Variants in ADGRG2 observed in about 807,000 individuals in gnomAD.
The protein encoded by ADGRG2 is G protein-coupled receptor 64.
Under a neutral mutation model 74.1 loss-of-function variants are expected in ADGRG2, and 26 were observed. That is an observed-to-expected ratio of 0.35 (90% confidence interval 0.26 to 0.49). The LOEUF (loss-of-function observed/expected upper bound fraction) is 0.49, where lower values mean the gene tolerates loss of function less well. Among genes scored for constraint, ADGRG2 ranks in the 20% least tolerant of loss-of-function variants. The pLI, the probability that ADGRG2 is intolerant of heterozygous loss-of-function variation, is 0.99. For synonymous variants in ADGRG2, 296 were observed against 295.2 expected (o/e 1.00, Z -0.03); for missense variants, 619 against 763.1 (o/e 0.81, Z 2.22).
At chrX:19,002,823 C>T (rs746857772) in intron 24 of ADGRG2, 23 bp downstream of exon 24, 3 of 1,191,499 alleles carry the variant, frequency 2.5e-6, no homozygotes, top group South Asian at 1.8e-5. Context: ...GTCCAGGCAA[C>T]ATGCAGGCAA....
Position 19,006,061 on chromosome X carries a change from T to C in ADGRG2, c.1780A>G (p.Arg594Gly). 1 of 1,209,398 alleles carries C rather than the reference T, an allele frequency of 8.3e-7. No homozygotes were observed. The highest frequency in any genetic ancestry group is 1.8e-5 in the South Asian group (1 of 56,923). ...GTACAGATGGTTTCATTCAATCTCC[T>C]GTCTTTGACAGAGCAGCCATTGTCT... ...WSDNGCSVKD[R>G]RLNETICTCS... The change falls in exon 22 of 29, where the codon AGG becomes GGG. Residue 594 changes from arginine (R) to glycine (G), a missense_variant. By Grantham distance (125) the Arg-to-Gly change is moderately radical. This residue lies in a region of ADGRG2 where 221 missense variants were observed against 340.6 expected (regional missense o/e 0.65). Transcript: ENST00000379869.
chrX:19,059,690 TTTA>T (rs1470641960), intron 3 of ADGRG2, among the ~76,000 whole-genome samples: 1 of 102,965 alleles, frequency 9.7e-6, no homozygotes, highest in East Asian at 3.3e-4. Context: ...AGAATCTGTC[TTTA>T]GTACCAGTAC....
At chrX:19,109,414 T>C (rs1339013766) in intron 1 of ADGRG2, among the ~76,000 whole-genome samples, 1 of 111,647 alleles carries the variant, frequency 9.0e-6, no homozygotes, top group African/African-American at 3.3e-5. Flanking sequence ...TACAAGAGCT[T>C]TCCCAAAAAT....
chrX:19,095,480 A>T (rs1041231857), intron 1 of ADGRG2, among the ~76,000 whole-genome samples: 3 of 111,439 alleles, frequency 2.7e-5, no homozygotes, highest in African/African-American at 9.8e-5. Flanking sequence ...TTATAGCACA[A>T]AGGCCACTCT....
chrX:19,120,614 C>A (rs1439700553), intron 1 of ADGRG2, among the ~76,000 whole-genome samples: 2 of 111,399 alleles, frequency 1.8e-5, no homozygotes, highest in African/African-American at 6.5e-5. Flanking sequence ...AAACCCTGAT[C>A]AAAAAATGGG....
rs140531085 is a variant in ADGRG2, at chrX:19,063,997, C to T, written c.118+4720G>A. Among the ~76,000 whole-genome samples, 1,048 of 111,731 alleles carry T rather than the reference C, an allele frequency of 9.4e-3. 16 individuals carry two copies. The highest frequency in any genetic ancestry group is 0.033 in the African/African-American group (1,001 of 30,696). On this transcript the variant is annotated intron_variant, in intron 3 of 28. Transcript: ENST00000379869. ...GGGAACTCTGGGAGATAACATAGAACACATCTGAGTGTGGTCCCACCAAGG... is the reference window on the plus strand; with the variant it reads ...GGGAACTCTGGGAGATAACATAGAATACATCTGAGTGTGGTCCCACCAAGG...
At chrX:19,120,311 CTAAA>C (rs771059529) in intron 1 of ADGRG2, among the ~76,000 whole-genome samples, 5 of 112,068 alleles carry the variant, frequency 4.5e-5, no homozygotes, top group South Asian at 3.7e-4. Context: ...TTATGAGATG[CTAAA>C]TAGAGACTCC....
chrX:19,102,004 C>T (rs1299920995), intron 1 of ADGRG2, among the ~76,000 whole-genome samples: 1 of 111,030 alleles, frequency 9.0e-6, no homozygotes, highest in Non-Finnish European at 1.9e-5. Context: ...CCAGCAATAA[C>T]AAGCCATAAG....
chrX:19,074,562 C>CTTTTT (rs1212446647), intron 2 of ADGRG2, among the ~76,000 whole-genome samples: 3 of 67,226 alleles, frequency 4.5e-5, no homozygotes, highest in African/African-American at 2.0e-4. Flanking sequence ...TCTTCTTCTT[C>CTTTTT]TTTTTTTTTT....
intron 3 of ADGRG2, among the ~76,000 whole-genome samples, chrX:19,060,223 G>A (rs1407826181): frequency 8.9e-6 from 1 of 112,703 alleles, no homozygotes; most frequent in Non-Finnish European, 1.9e-5. Flanking sequence ...CGATAACTTG[G>A]GGGATTTGCC....
At chrX:19,004,912 A>G (rs2060199342) in intron 22 of ADGRG2, 33 bp from the exon 23 acceptor site, 1 of 1,063,731 alleles carries the variant, frequency 9.4e-7, no homozygotes, top group East Asian at 3.1e-5. Flanking sequence ...TAATAATCAA[A>G]TATTTTTAAA....
intron 1 of ADGRG2, among the ~76,000 whole-genome samples, chrX:19,093,937 A>AC (rs1555910645): frequency 9.5e-6 from 1 of 105,689 alleles, no homozygotes; most frequent in Non-Finnish European, 1.9e-5. Context: ...ACACACACAC[A>AC]CCCCATGGAA....
chrX:19,120,649 T>C (rs2062595042), intron 1 of ADGRG2, among the ~76,000 whole-genome samples: 1 of 111,578 alleles, frequency 9.0e-6, no homozygotes, highest in Non-Finnish European at 1.9e-5. Context: ...ATGGTGACTA[T>C]TAGGATCAGC....
intron 10 of ADGRG2, 35 bp downstream of exon 10, chrX:19,028,148 T>G (rs1601930801): frequency 1.3e-6 from 1 of 755,404 alleles, no homozygotes; most frequent in South Asian, 2.3e-5. Context: ...AATTTGCCTT[T>G]TAAGATTGCA....
intron 18 of ADGRG2, among the ~76,000 whole-genome samples, chrX:19,008,889 G>A (rs982629682): frequency 2.7e-5 from 3 of 111,450 alleles, no homozygotes; most frequent in Admixed American, 1.9e-4. Context: ...ATTAAAAAGC[G>A]AGACTTGGTT....
intron 1 of ADGRG2, among the ~76,000 whole-genome samples, chrX:19,116,192 G>A (rs2062510041): frequency 9.2e-6 from 1 of 108,133 alleles, no homozygotes; most frequent in South Asian, 4.2e-4. Context: ...TCCAGTCTGG[G>A]CAAAAGAACG....
chrX:19,086,298 A>T (rs1398368812), intron 1 of ADGRG2, among the ~76,000 whole-genome samples: 2 of 111,379 alleles, frequency 1.8e-5, no homozygotes, highest in Non-Finnish European at 3.8e-5. Flanking sequence ...CTTATGTAAG[A>T]CATGGCACGG....
intron 21 of ADGRG2, 37 bp from the exon 22 acceptor site, chrX:19,006,142 A>C (rs1280407695): frequency 8.9e-7 from 1 of 1,118,209 alleles, no homozygotes; most frequent in Non-Finnish European, 1.2e-6. Flanking sequence ...CCCATCAGCA[A>C]GGCCACAGCA....
At chrX:19,103,846 C>T (rs2062232090) in intron 1 of ADGRG2, among the ~76,000 whole-genome samples, 1 of 111,613 alleles carries the variant, frequency 9.0e-6, no homozygotes, top group African/African-American at 3.3e-5. Flanking sequence ...CCAAACATCT[C>T]TGCCTGCTGT....
Sources: allele counts gnomAD v4.1 joint callset (sites outside exome capture counted in the v4.1 genomes callset), GRCh38; gene constraint gnomAD v4.1.1; regional missense constraint gnomAD v4.1.1; transcripts MANE v1.5; gene names NCBI Gene and HGNC (gene_info 2026-07-23, HGNC 2026-07-21).